Variants in FGF14 observed in about 807,000 individuals in gnomAD.
FGF14 encodes fibroblast growth factor 14, also known as fibroblast growth factor homologous factor 4.
A neutral mutation model predicts 25.5 loss-of-function variants in FGF14; 5 were observed. The ratio of observed to expected loss-of-function variants is 0.20; its 90% CI spans 0.10 to 0.41. FGF14 has a LOEUF of 0.41. Ranked by LOEUF, FGF14 falls within the 10% of genes least tolerant of loss-of-function variation. The pLI, the probability that FGF14 is intolerant of heterozygous loss-of-function variation, is 1.00. For synonymous variants in FGF14, 138 were observed against 118.3 expected (o/e 1.17, Z -1.08); for missense variants, 222 against 320.1 (o/e 0.69, Z 2.34).
intron 1 of FGF14, among the ~76,000 whole-genome samples, chr13:102,083,961 G>A (rs2043764691): frequency 6.6e-6 from 1 of 152,040 alleles, no homozygotes; most frequent in Non-Finnish European, 1.5e-5. Context: ...ATCCTTGAAG[G>A]CCCTATAAGA....
At chr13:102,068,340 G>C (rs1041140387) in intron 1 of FGF14, among the ~76,000 whole-genome samples, 1 of 152,220 alleles carries the variant, frequency 6.6e-6, no homozygotes, top group Non-Finnish European at 1.5e-5. Context: ...GCTCGCTCTC[G>C]GCGCCTCCTC....
intron 1 of FGF14, among the ~76,000 whole-genome samples, chr13:101,975,108 A>G: frequency 6.6e-6 from 1 of 151,824 alleles, no homozygotes; most frequent in East Asian, 1.9e-4. Flanking sequence ...GGCTGTTCAC[A>G]TTCCATGACG....
At chr13:102,082,253 CAG>C (rs2043658403) in intron 1 of FGF14, among the ~76,000 whole-genome samples, 1 of 137,834 alleles carries the variant, frequency 7.3e-6, no homozygotes, top group African/African-American at 2.7e-5. Context: ...AAAAAAAAAA[CAG>C]TGTACTTCAG....
rs193037682 is a variant in FGF14, at chr13:102,215,534, T to C, written c.208+185937A>G. ...AGCCTATGTTCCCAAATAAAAATTA[T>C]CTCTAGTTCCTATGCCTGCATCAAG... On this transcript the variant is annotated intron_variant, in intron 1 of 4. Transcript: ENST00000376131. Among the ~76,000 whole-genome samples the C allele has an allele frequency of 1.2e-3, 178 of 152,282 alleles. 2 individuals carry two copies. Among genetic ancestry groups the C allele is most frequent in the African/African-American group, 4.0e-3 (167 of 41,546 alleles).
At chr13:102,032,530 CATTTGGAA>C (rs547368645) in intron 1 of FGF14, among the ~76,000 whole-genome samples, 113 of 152,182 alleles carry the variant, frequency 7.4e-4, no homozygotes, top group Admixed American at 1.4e-3. Flanking sequence ...CTTCCTATGG[CATTTGGAA>C]ATTCCAGTAT....
chr13:102,079,230 T>C (rs2043504775), intron 1 of FGF14, among the ~76,000 whole-genome samples: 1 of 152,178 alleles, frequency 6.6e-6, no homozygotes, highest in East Asian at 1.9e-4. Context: ...TTTTGTTAAA[T>C]TCTTTCTTCC....
At chr13:101,988,685 A>G (rs1239335910) in intron 1 of FGF14, among the ~76,000 whole-genome samples, 1 of 117,386 alleles carries the variant, frequency 8.5e-6, no homozygotes, top group Non-Finnish European at 1.6e-5. Flanking sequence ...GAAGGGGAAC[A>G]TCACACACTG....
At chr13:101,932,486 T>G (rs1437588305) in intron 1 of FGF14, among the ~76,000 whole-genome samples, 1 of 132,008 alleles carries the variant, frequency 7.6e-6, no homozygotes, top group African/African-American at 3.2e-5. Flanking sequence ...TGAGCCAAGA[T>G]CACGCCATTG....
At chr13:101,788,899 TATATATATATAGAGAGAGAGAGAG>T (rs2040031776) in intron 3 of FGF14, among the ~76,000 whole-genome samples, 3 of 47,354 alleles carry the variant, frequency 6.3e-5, no homozygotes, top group Admixed American at 3.1e-4. Flanking sequence ...TATATATATA[TATATATATATAGAGAGAGAGAGAG>T]AGAGAGAGAG....
chr13:102,030,710 G>A (rs1413754706), intron 1 of FGF14, among the ~76,000 whole-genome samples: 4 of 152,100 alleles, frequency 2.6e-5, no homozygotes, highest in South Asian at 2.1e-4. Context: ...CCTGAGTCCC[G>A]CACAGGGACT....
chr13:101,745,331 A>G (rs903142330), intron 3 of FGF14, among the ~76,000 whole-genome samples: 3 of 152,024 alleles, frequency 2.0e-5, no homozygotes, highest in African/African-American at 7.2e-5. Context: ...ACTTGTTGCA[A>G]TCAATGAACC....
At chr13:102,323,042 C>T (rs1373228260) in intron 1 of FGF14, among the ~76,000 whole-genome samples, 1 of 152,192 alleles carries the variant, frequency 6.6e-6, no homozygotes, top group African/African-American at 2.4e-5. Context: ...AACAGAAGCC[C>T]TGTGGTTTCT....
At chr13:102,218,354 C>T (rs2050463709) in intron 1 of FGF14, among the ~76,000 whole-genome samples, 1 of 151,976 alleles carries the variant, frequency 6.6e-6, no homozygotes, top group South Asian at 2.1e-4. Context: ...TCTACCAGGC[C>T]CACGCTGGAC....
chr13:102,014,554 C>T (rs537157615), intron 1 of FGF14, among the ~76,000 whole-genome samples: 3 of 152,180 alleles, frequency 2.0e-5, no homozygotes, highest in East Asian at 1.9e-4. Flanking sequence ...AACCAATTAT[C>T]GAAAAGTGAT....
At chr13:101,823,130 T>A (rs536594168) in intron 3 of FGF14, among the ~76,000 whole-genome samples, 114 of 152,306 alleles carry the variant, frequency 7.5e-4, no homozygotes, top group African/African-American at 2.6e-3. Flanking sequence ...GTGTTGTTTT[T>A]ACCTTTTGGC....
intron 1 of FGF14, among the ~76,000 whole-genome samples, chr13:102,132,736 G>C (rs954633846): frequency 6.6e-6 from 1 of 152,042 alleles, no homozygotes; most frequent in Non-Finnish European, 1.5e-5. Context: ...GGCCAGGCTG[G>C]CCTCGAACTC....
intron 1 of FGF14, among the ~76,000 whole-genome samples, chr13:101,888,100 G>A (rs1313923218): frequency 2.6e-5 from 4 of 152,130 alleles, no homozygotes; most frequent in Non-Finnish European, 5.9e-5. Flanking sequence ...AGGCTTTGGG[G>A]ATAACAGTAG....
rs2034756205 is a variant in FGF14, at chr13:101,717,160, T to C, written c.*5671A>G. The C allele has an allele frequency of 6.6e-6, 1 of 152,130 alleles. No homozygotes were observed. Among genetic ancestry groups the C allele is most frequent in the African/African-American group, 2.4e-5 (1 of 41,450 alleles). The allele number at this position is 152,130 out of a possible 1,614,324, so 9.4% of individuals were successfully genotyped here. On this transcript the variant is annotated 3_prime_UTR_variant, in exon 5 of 5. Transcript: ENST00000376143. ...AATATTCTAGTCATGGCTTAAACTT[T>C]ATAAGTCAAATTTCCAAAAATAAGG...
intron 1 of FGF14, among the ~76,000 whole-genome samples, chr13:102,350,905 C>G (rs2057259085): frequency 6.6e-6 from 1 of 152,140 alleles, no homozygotes; most frequent in Non-Finnish European, 1.5e-5. Context: ...TCACCAAACT[C>G]CAGGTCATTC....
Sources: allele counts gnomAD v4.1 joint callset (sites outside exome capture counted in the v4.1 genomes callset), GRCh38; gene constraint gnomAD v4.1.1; transcripts MANE v1.5; gene names NCBI Gene and HGNC (gene_info 2026-07-23, HGNC 2026-07-21).